ROBO2: variants seen among roughly 807,000 people sequenced by gnomAD.
ROBO2 encodes roundabout homolog 2.
ROBO2 carries 53 observed loss-of-function variants against 160.8 expected under a neutral mutation model. The observed-to-expected ratio is 0.33, with a 90% confidence interval of 0.26 to 0.41. The LOEUF is 0.41. ROBO2 is among the 10% of genes least tolerant of loss of function. ROBO2 has a pLI of 1.00. For synonymous variants in ROBO2, 664 were observed against 611.7 expected (o/e 1.09, Z -1.26); for missense variants, 1,577 against 1,722.4 (o/e 0.92, Z 1.49).
intron 2 of ROBO2, among the ~76,000 whole-genome samples, chr3:77,320,652 C>A (rs2064576474): frequency 6.6e-6 from 1 of 151,418 alleles, no homozygotes; most frequent in African/African-American, 2.4e-5. Context: ...AAATATCTGA[C>A]CAGACAAGGG....
chr3:76,539,437 A>C (rs1355127381), intron 2 of ROBO2, among the ~76,000 whole-genome samples: 2 of 152,136 alleles, frequency 1.3e-5, no homozygotes, highest in Non-Finnish European at 1.5e-5. Context: ...ATAGTAGGCC[A>C]CAAAATTCGA....
At chr3:76,629,664 C>T (rs1336497546) in intron 2 of ROBO2, among the ~76,000 whole-genome samples, 1 of 152,166 alleles carries the variant, frequency 6.6e-6, no homozygotes, top group Non-Finnish European at 1.5e-5. Flanking sequence ...CCTTTGACAG[C>T]ATCCTCACAG....
intron 9 of ROBO2, among the ~76,000 whole-genome samples, chr3:77,561,208 A>C (rs2153660931): frequency 1.3e-5 from 2 of 152,306 alleles, no homozygotes; most frequent in African/African-American, 2.4e-5. Flanking sequence ...CAATCGAGAA[A>C]GCTTGAGTCA....
chr3:76,017,313 C>T (rs1397420271), intron 2 of ROBO2, among the ~76,000 whole-genome samples: 2 of 152,098 alleles, frequency 1.3e-5, no homozygotes, highest in African/African-American at 4.8e-5. Flanking sequence ...TGTGACAGCT[C>T]ACAGTATATT....
At chr3:76,154,974 T>A (rs548227595) in intron 2 of ROBO2, among the ~76,000 whole-genome samples, 46 of 152,100 alleles carry the variant, frequency 3.0e-4, no homozygotes, top group Non-Finnish European at 2.5e-4. Context: ...AGAACACAGA[T>A]AAAAAATCTG....
At chr3:76,233,599 G>A (rs545920796) in intron 2 of ROBO2, among the ~76,000 whole-genome samples, 1 of 152,230 alleles carries the variant, frequency 6.6e-6, no homozygotes, top group South Asian at 2.1e-4. Flanking sequence ...CTACGCATCA[G>A]CTCCACATTT....
At chr3:76,455,379 A>T (rs1354312287) in intron 2 of ROBO2, among the ~76,000 whole-genome samples, 2 of 152,146 alleles carry the variant, frequency 1.3e-5, no homozygotes, top group African/African-American at 4.8e-5. Context: ...TCTTTTTCAT[A>T]TGGTGTCAGT....
At chr3:76,864,112 C>A (rs1281572627) in intron 2 of ROBO2, among the ~76,000 whole-genome samples, 1 of 151,940 alleles carries the variant, frequency 6.6e-6, no homozygotes, top group Non-Finnish European at 1.5e-5. Context: ...AGAATTGGTT[C>A]TCTCATTTAG....
At chr3:76,759,517 T>A (rs560644914) in intron 2 of ROBO2, among the ~76,000 whole-genome samples, 35 of 151,748 alleles carry the variant, frequency 2.3e-4, no homozygotes, top group Non-Finnish European at 4.6e-4. Flanking sequence ...GTTGGCGATA[T>A]GGCACAACGT....
chr3:76,535,326 A>T (rs2082436608), intron 2 of ROBO2, among the ~76,000 whole-genome samples: 1 of 152,086 alleles, frequency 6.6e-6, no homozygotes, highest in East Asian at 1.9e-4. Flanking sequence ...TGTAGGCTTT[A>T]AAAGGCCATG....
At chr3:76,522,952 AT>A (rs2081716207) in intron 2 of ROBO2, among the ~76,000 whole-genome samples, 3 of 149,178 alleles carry the variant, frequency 2.0e-5, no homozygotes, top group African/African-American at 7.3e-5. Context: ...ATATTACATA[AT>A]TTTTATTATG....
chr3:76,315,890 G>A lies in ROBO2; in HGVS notation c.109+378288G>A, dbSNP rs148878635. On this transcript the variant is annotated intron_variant, in intron 2 of 26. Coordinates refer to the ROBO2 transcript ENST00000487694. ...GTTCTTTCTATTTTCCCTAAGTGTC[G>A]GCCGGTCTGAGAAATAAAGAGAAAG... Among the ~76,000 whole-genome samples the A allele has an allele frequency of 1.7e-3, 258 of 152,058 alleles. 2 individuals are homozygous for A. The highest frequency in any genetic ancestry group is 5.9e-3 in the African/African-American group (243 of 41,464).
At chr3:76,252,425 C>T (rs1424007532) in intron 2 of ROBO2, among the ~76,000 whole-genome samples, 4 of 152,026 alleles carry the variant, frequency 2.6e-5, no homozygotes, top group East Asian at 3.9e-4. Context: ...GAGACAGCCA[C>T]CACTGTTTAT....
At chr3:76,472,631 A>AT (rs1163445679) in intron 2 of ROBO2, among the ~76,000 whole-genome samples, 1 of 152,138 alleles carries the variant, frequency 6.6e-6, no homozygotes, top group Non-Finnish European at 1.5e-5. Flanking sequence ...TTAATCTTTA[A>AT]TTTTTTACCC....
At chr3:76,231,748 T>C (rs1033076582) in intron 2 of ROBO2, among the ~76,000 whole-genome samples, 1 of 152,222 alleles carries the variant, frequency 6.6e-6, no homozygotes, top group East Asian at 1.9e-4. Context: ...ATCTTCTGTA[T>C]AGAGGTTTAG....
intron 2 of ROBO2, among the ~76,000 whole-genome samples, chr3:76,065,388 G>T (rs9833136): frequency 1.3e-5 from 2 of 151,836 alleles, no homozygotes; most frequent in African/African-American, 4.8e-5. Flanking sequence ...AAAAAACTGT[G>T]TATATGATTC....
At chr3:76,687,711 G>A (rs1032767091) in intron 2 of ROBO2, among the ~76,000 whole-genome samples, 2 of 151,898 alleles carry the variant, frequency 1.3e-5, no homozygotes, top group African/African-American at 4.8e-5. Context: ...GTTAACACAA[G>A]TTTTGGCAAC....
intron 1 of ROBO2, among the ~76,000 whole-genome samples, chr3:75,908,473 G>A (rs1342976070): frequency 6.6e-6 from 1 of 151,830 alleles, no homozygotes; most frequent in Non-Finnish European, 1.5e-5. Context: ...TGTCACAGAA[G>A]TATTACTTTA....
At chr3:76,760,515 A>G (rs961833136) in intron 2 of ROBO2, among the ~76,000 whole-genome samples, 3 of 151,782 alleles carry the variant, frequency 2.0e-5, no homozygotes, top group South Asian at 4.1e-4. Flanking sequence ...AACAGGTGTC[A>G]CTAATCACCA....
Sources: gnomAD v4.1 joint callset for allele counts (sites outside exome capture counted in the v4.1 genomes callset) on GRCh38, gnomAD v4.1.1 for gene constraint, MANE v1.5 for transcripts, NCBI Gene and HGNC (gene_info 2026-07-23, HGNC 2026-07-21) for gene names.